Variants in GNB1L observed in about 807,000 individuals in gnomAD.
GNB1L encodes G protein subunit beta 1 like, also known as guanine nucleotide-binding protein subunit beta-like protein 1.
Under a neutral mutation model 29.1 loss-of-function variants are expected in GNB1L, and 20 were observed. The observed-to-expected ratio is 0.69, with a 90% CI of 0.48 to 1.00. GNB1L has a LOEUF of 1.00. GNB1L is among the 50% of genes least tolerant of loss of function. GNB1L has a pLI of 0.00. For synonymous variants in GNB1L, 193 were observed against 206.5 expected (o/e 0.93, Z 0.56); for missense variants, 421 against 464.9 (o/e 0.91, Z 0.87).
intron 4 of GNB1L, 106 bp downstream of exon 4, chr22:19,820,491 GT>G: frequency 7.9e-7 from 1 of 1,266,882 alleles, no homozygotes; most frequent in East Asian, 2.4e-5. Flanking sequence ...GCCCCTTCTG[GT>G]TCCCCCACCC....
intron 2 of GNB1L, chr22:19,850,068 C>T (rs780079770): frequency 3.0e-6 from 3 of 985,668 alleles, no homozygotes; most frequent in Admixed American, 6.1e-5. Context: ...GAGCCACCCA[C>T]CCCCTACTCA....
chr22:19,849,071 T>C (rs906178743), intron 2 of GNB1L: 49 of 985,458 alleles, frequency 5.0e-5, no homozygotes, highest in Non-Finnish European at 5.7e-5. Flanking sequence ...AGCTGTGACC[T>C]GGCACAGAAG....
At chr22:19,793,065 G>A in intron 7 of GNB1L, 2 of 1,593,116 alleles carry the variant, frequency 1.3e-6, no homozygotes, top group Middle Eastern at 2.3e-4. Context: ...AAAGGCAAAG[G>A]CTAAAGAACT....
intron 2 of GNB1L, chr22:19,852,087 G>C (rs565103120): frequency 1.2e-6 from 2 of 1,614,220 alleles, no homozygotes; most frequent in South Asian, 2.2e-5. Context: ...ATGGTCGTTC[G>C]CACACACACG....
At chr22:19,821,402 T>G in intron 2 of GNB1L, 27 bp from the exon 3 acceptor site, 1 of 1,601,362 alleles carries the variant, frequency 6.2e-7, no homozygotes, top group Non-Finnish European at 8.5e-7. Context: ...GGCGTGTGAG[T>G]GACTGCGTCC....
chr22:19,802,049 C>T lies in GNB1L; in HGVS notation c.684G>A (p.Ala228=), dbSNP rs767099084. 8.1e-6 allele frequency: 13 copies of T among 1,610,588 alleles called. No homozygotes were observed. The highest frequency in any genetic ancestry group is 6.7e-5 in the African/African-American group (5 of 74,892). The part of the protein sequence containing the change: ...SQKARGISGS[A]GKALAVWSLD... ...GGCTCCAGACAGCCAGCGCCTTCCC[C>T]GCGGAGCCTGAGATGCCCCTGGCCT... is the stretch of plus-strand genomic sequence containing the variant. The change falls in exon 7 of 8, where the codon GCG becomes GCA. Residue 228 remains alanine (A), a synonymous_variant. Coordinates refer to ENST00000329517, the MANE Select transcript of GNB1L (RefSeq NM_053004.3).
At chr22:19,802,254 C>T (rs2145868002) in intron 6 of GNB1L, 38 bp from the exon 7 acceptor site, 3 of 1,536,666 alleles carry the variant, frequency 2.0e-6, no homozygotes, top group South Asian at 2.2e-5. Flanking sequence ...CCTGGAAGGA[C>T]CCTGACTCCA....
intron 6 of GNB1L, among the ~76,000 whole-genome samples, chr22:19,802,886 C>G (rs986777501): frequency 3.3e-5 from 5 of 152,252 alleles, no homozygotes; most frequent in Non-Finnish European, 7.3e-5. Flanking sequence ...TGTTAAGCCT[C>G]TGGAATAATT....
At chr22:19,834,748 T>C (rs892267598) in intron 2 of GNB1L, among the ~76,000 whole-genome samples, 1 of 149,348 alleles carries the variant, frequency 6.7e-6, no homozygotes, top group African/African-American at 2.5e-5. Flanking sequence ...TGTTTTAAAA[T>C]ACCTAAATAA....
At chr22:19,851,428 A>G (rs1478935796) in intron 2 of GNB1L, 1 of 1,613,982 alleles carries the variant, frequency 6.2e-7, no homozygotes, top group Non-Finnish European at 8.5e-7. Context: ...GCTTGGAGCT[A>G]CATGTAGAAC....
chr22:19,849,049 CGGACG>C lies in GNB1L; in HGVS notation c.-21+5389_-21+5393del, dbSNP rs1938031683. On this transcript the variant is annotated intron_variant, in intron 2 of 7. Transcript: ENST00000329517. ...AAAGGGGGGATGGGGCCTGAGTCAT[CGGACG>C]GAGGGCAGCTGTGACCTGGCACAGA... The C allele has an allele frequency of 3.0e-6, 3 of 985,440 alleles. No homozygotes were observed. In the African/African-American group the frequency reaches 5.2e-5, roughly 17 times the overall value. 61.0% of individuals were successfully genotyped at this position (985,440 alleles called of 1,614,324 possible). A position where few individuals can be genotyped will look rare whatever the true frequency, so the allele number is the denominator to read the frequency against.
chr22:19,821,607 C>T (rs1246779133), intron 2 of GNB1L, among the ~76,000 whole-genome samples: 1 of 152,220 alleles, frequency 6.6e-6, no homozygotes, highest in Non-Finnish European at 1.5e-5. Flanking sequence ...AGAGCTCACC[C>T]TTCCCCCACT....
At chr22:19,833,688 A>G (rs1301529829) in intron 2 of GNB1L, among the ~76,000 whole-genome samples, 14 of 151,830 alleles carry the variant, frequency 9.2e-5, no homozygotes, top group Admixed American at 5.9e-4. Context: ...ACATGGTGAA[A>G]CCCTGACTCT....
chr22:19,829,471 T>C (rs1162422676), intron 2 of GNB1L, among the ~76,000 whole-genome samples: 2 of 152,196 alleles, frequency 1.3e-5, no homozygotes, highest in African/African-American at 4.8e-5. Context: ...TGAAATGGGA[T>C]AACTGAAACC....
chr22:19,847,954 C>A (rs1424991147), intron 2 of GNB1L: 2 of 985,174 alleles, frequency 2.0e-6, no homozygotes, highest in Non-Finnish European at 2.4e-6. Flanking sequence ...ACTGCTTTTA[C>A]TGAATAATCC....
At chr22:19,850,374 G>A (rs1938065235) in intron 2 of GNB1L, 12 of 987,224 alleles carry the variant, frequency 1.2e-5, no homozygotes, top group Non-Finnish European at 1.3e-5. Flanking sequence ...CTTAAGTGCT[G>A]AATCCGCAAT....
intron 4 of GNB1L, among the ~76,000 whole-genome samples, chr22:19,817,767 G>C (rs1391420357): frequency 6.6e-6 from 1 of 152,206 alleles, no homozygotes; most frequent in Non-Finnish European, 1.5e-5. Flanking sequence ...TCAGAGGCTC[G>C]GGGGCCCTGC....
At chr22:19,848,658 C>T (rs1938022599) in intron 2 of GNB1L, 6 of 985,424 alleles carry the variant, frequency 6.1e-6, no homozygotes, top group Admixed American at 6.1e-5. Context: ...CCTGGACTCT[C>T]CCAAGGACTC....
chr22:19,824,445 A>G (rs1382116997), intron 2 of GNB1L, among the ~76,000 whole-genome samples: 3 of 152,188 alleles, frequency 2.0e-5, no homozygotes, highest in East Asian at 3.9e-4. Context: ...TAATCCACAG[A>G]GCACAACTTT....
Sources: gnomAD v4.1 joint callset for allele counts (sites outside exome capture counted in the v4.1 genomes callset) on GRCh38, gnomAD v4.1.1 for gene constraint, MANE v1.5 for transcripts, NCBI Gene and HGNC (gene_info 2026-07-23, HGNC 2026-07-21) for gene names.